Variants in SOX5 observed in about 807,000 individuals in gnomAD.
SOX5 encodes transcription factor SOX-5.
In SOX5, 9 loss-of-function variants were observed where a neutral mutation model predicts 92.0. The ratio of observed to expected loss-of-function variants is 0.10; its 90% CI spans 0.06 to 0.17. The LOEUF (loss-of-function observed/expected upper bound fraction) is 0.17. SOX5 is among the 10% of genes least tolerant of loss of function. SOX5 has a pLI of 1.00. For synonymous variants in SOX5, 344 were observed against 336.3 expected, an observed-to-expected ratio of 1.02 and a Z score of -0.25; for missense variants, 642 against 944.5, an observed-to-expected ratio of 0.68 and a Z score of 4.20.
At chr12:24,519,971 A>G (rs1450780001) in intron 1 of SOX5, among the ~76,000 whole-genome samples, 1 of 152,114 alleles carries the variant, frequency 6.6e-6, no homozygotes, top group Non-Finnish European at 1.5e-5. Context: ...ATATAAGACT[A>G]TAAGCAGATT....
intron 9 of SOX5, among the ~76,000 whole-genome samples, chr12:23,594,171 A>C (rs1952001186): frequency 6.6e-6 from 1 of 152,076 alleles, no homozygotes; most frequent in African/African-American, 2.4e-5. Flanking sequence ...CTATATTGCC[A>C]GCGAAAACCT....
At chr12:24,165,429 A>T (rs910783127) in intron 4 of SOX5, among the ~76,000 whole-genome samples, 2 of 152,196 alleles carry the variant, frequency 1.3e-5, no homozygotes, top group African/African-American at 4.8e-5. Context: ...ATTCTATATC[A>T]GACTATTCTA....
intron 3 of SOX5, among the ~76,000 whole-genome samples, chr12:24,265,012 C>T (rs941694532): frequency 5.9e-5 from 9 of 152,170 alleles, no homozygotes; most frequent in African/African-American, 1.7e-4. Flanking sequence ...AACCCGAAAG[C>T]CTGCTGTCTC....
intron 4 of SOX5, among the ~76,000 whole-genome samples, chr12:23,958,320 A>G (rs576495495): frequency 6.6e-6 from 1 of 152,150 alleles, no homozygotes; most frequent in South Asian, 2.1e-4. Context: ...AATACACTTA[A>G]TGGTTTTTTT....
intron 2 of SOX5, among the ~76,000 whole-genome samples, chr12:23,889,700 CT>C (rs1353783147): frequency 6.6e-6 from 1 of 152,110 alleles, no homozygotes; most frequent in African/African-American, 2.4e-5. Flanking sequence ...AGAAGATCAA[CT>C]TTAAAAGACA....
At chr12:24,357,169 G>A (rs1954939368) in intron 2 of SOX5, among the ~76,000 whole-genome samples, 1 of 152,224 alleles carries the variant, frequency 6.6e-6, no homozygotes, top group South Asian at 2.1e-4. Flanking sequence ...GCATGGTGGG[G>A]AGAAATAATG....
At chr12:24,203,303 G>A (rs1197203312) in intron 4 of SOX5, among the ~76,000 whole-genome samples, 2 of 152,128 alleles carry the variant, frequency 1.3e-5, no homozygotes, top group African/African-American at 4.8e-5. Flanking sequence ...GGGACCAAAA[G>A]ATGTTCCAGA....
At chr12:24,472,202 G>C (rs1450026385) in intron 1 of SOX5, among the ~76,000 whole-genome samples, 1 of 152,220 alleles carries the variant, frequency 6.6e-6, no homozygotes, top group Non-Finnish European at 1.5e-5. Context: ...AAGTGTGTGT[G>C]AAAGGAACCC....
At chr12:24,110,899 T>TC (rs1276305586) in intron 4 of SOX5, among the ~76,000 whole-genome samples, 4 of 22,236 alleles carry the variant, frequency 1.8e-4, no homozygotes, top group African/African-American at 7.0e-4. Context: ...AGACTCCACT[T>TC]CAAAAAAAAA....
At chr12:23,747,074 G>A (rs146509774) in intron 4 of SOX5, among the ~76,000 whole-genome samples, 1,601 of 151,812 alleles carry the variant, frequency 0.011, 24 homozygotes, top group African/African-American at 0.036. Flanking sequence ...GCCCAGTCTC[G>A]GGTATGTCTT....
At chr12:24,212,161 G>A (rs1158026993) in intron 4 of SOX5, among the ~76,000 whole-genome samples, 1 of 152,178 alleles carries the variant, frequency 6.6e-6, no homozygotes, top group African/African-American at 2.4e-5. Flanking sequence ...CATATGCATT[G>A]CATGAAGATA....
chr12:24,439,964 A>T (rs748454605), intron 1 of SOX5, among the ~76,000 whole-genome samples: 1 of 152,226 alleles, frequency 6.6e-6, no homozygotes, highest in East Asian at 1.9e-4. Flanking sequence ...ACGCAAGTGC[A>T]TGGTGCCTTG....
chr12:23,652,762 T>G lies in SOX5; in HGVS notation c.932-11865A>C, dbSNP rs538498807. 6.3e-4 allele frequency among the ~76,000 whole-genome samples: 96 copies of G among 152,140 alleles called. No homozygotes were observed. In the South Asian group the frequency reaches 0.019, roughly 30 times the overall value. ...TTTCCTTTAAACTCCTAGGTCTACA[T>G]GTCTTTCTATTATAAGAGCTTCTCA... On this transcript the variant is annotated intron_variant, in intron 7 of 14. Coordinates refer to ENST00000451604, the MANE Select transcript of SOX5 (RefSeq NM_006940.6).
chr12:23,875,225 T>G (rs2096915048), intron 2 of SOX5, among the ~76,000 whole-genome samples: 1 of 152,186 alleles, frequency 6.6e-6, no homozygotes, highest in African/African-American at 2.4e-5. Flanking sequence ...TGGAATATTT[T>G]GATTCAAAAA....
intron 1 of SOX5, among the ~76,000 whole-genome samples, chr12:24,446,640 T>C (rs1941519230): frequency 6.6e-6 from 1 of 152,114 alleles, no homozygotes; most frequent in South Asian, 2.1e-4. Flanking sequence ...GACTCTATAG[T>C]GCAAGTGGGG....
intron 9 of SOX5, among the ~76,000 whole-genome samples, chr12:23,583,593 G>A (rs754241308): frequency 7.9e-5 from 12 of 151,942 alleles, no homozygotes; most frequent in Admixed American, 1.3e-4. Flanking sequence ...TGTTCATTAC[G>A]GCTGGATGAT....
At chr12:23,949,969 T>C (rs1945335022), upstream of SOX5, among the ~76,000 whole-genome samples, 1 of 151,680 alleles carries the variant, frequency 6.6e-6, no homozygotes, top group Non-Finnish European at 1.5e-5. Context: ...TAATTCTCTC[T>C]TCTAGACATC....
At chr12:23,650,246 G>C (rs561658285) in intron 7 of SOX5, among the ~76,000 whole-genome samples, 1 of 152,070 alleles carries the variant, frequency 6.6e-6, no homozygotes, top group African/African-American at 2.4e-5. Context: ...AAAGAGACTC[G>C]ATAGTCAAGG....
rs73291666 is a variant in SOX5 at position 24,525,192 on chromosome 12, T to C, written c.-251+37137A>G. ...GAATAAAGAAAAAGTGATATATACA[T>C]ACAAGGCAATATCATTCAGCCTTTA... is the stretch of plus-strand genomic sequence containing the variant. On this transcript the variant is annotated intron_variant, in intron 1 of 4. Coordinates refer to the SOX5 transcript ENST00000446891. Among the ~76,000 whole-genome samples the C allele has an allele frequency of 3.7e-3, 569 of 152,334 alleles. 3 individuals carry two copies. Among genetic ancestry groups the C allele is most frequent in the African/African-American group, 0.013 (548 of 41,576 alleles).
Sources: gnomAD v4.1 joint callset for allele counts (sites outside exome capture counted in the v4.1 genomes callset) on GRCh38, gnomAD v4.1.1 for gene constraint, MANE v1.5 for transcripts, NCBI Gene and HGNC (gene_info 2026-07-23, HGNC 2026-07-21) for gene names.